TMPRSS15: variants seen among roughly 807,000 people sequenced by gnomAD.
TMPRSS15 encodes the protein enteropeptidase.
TMPRSS15 carries 128 observed loss-of-function variants against 125.3 expected under a neutral mutation model. The ratio of observed to expected loss-of-function variants is 1.02; its 90% CI spans 0.89 to 1.18. The LOEUF is 1.18. TMPRSS15 is among the 50% of genes most tolerant of loss of function. TMPRSS15 has a pLI of 0.00. For synonymous variants in TMPRSS15, 446 were observed against 423.2 expected, an observed-to-expected ratio of 1.05 and a Z score of -0.66; for missense variants, 1,283 against 1,212.7, an observed-to-expected ratio of 1.06 and a Z score of -0.86.
At chr21:18,339,105 G>A (rs574817672) in intron 13 of TMPRSS15, among the ~76,000 whole-genome samples, 52 of 151,698 alleles carry the variant, frequency 3.4e-4, no homozygotes, top group African/African-American at 1.2e-3. Flanking sequence ...ATTTTTTCAT[G>A]TAGTAATGGT....
intron 1 of TMPRSS15, among the ~76,000 whole-genome samples, chr21:18,447,318 TA>T (rs1208980881): frequency 6.7e-6 from 1 of 150,330 alleles, no homozygotes; most frequent in Non-Finnish European, 1.5e-5. Flanking sequence ...TGGGTGCCTA[TA>T]ACCTCAGCTA....
At chr21:18,336,047 A>G (rs2075389270) in intron 13 of TMPRSS15, among the ~76,000 whole-genome samples, 2 of 152,054 alleles carry the variant, frequency 1.3e-5, no homozygotes, top group South Asian at 4.2e-4. Context: ...AATAACATGC[A>G]GTATTTGGCA....
intron 24 of TMPRSS15, among the ~76,000 whole-genome samples, chr21:18,271,974 A>G (rs148773981): frequency 1.7e-4 from 25 of 151,492 alleles, no homozygotes; most frequent in African/African-American, 6.1e-4. Flanking sequence ...TATTCAGTCT[A>G]TCATTGATGA....
At chr21:18,357,725 C>T (rs1285607093) in intron 8 of TMPRSS15, among the ~76,000 whole-genome samples, 1 of 151,664 alleles carries the variant, frequency 6.6e-6, no homozygotes, top group Non-Finnish European at 1.5e-5. Context: ...GGAAATACTG[C>T]TTGTTTCCAT....
intron 3 of TMPRSS15, among the ~76,000 whole-genome samples, chr21:18,387,608 CACAT>C (rs1193656540): frequency 7.4e-5 from 7 of 94,648 alleles, no homozygotes; most frequent in Non-Finnish European, 1.5e-4. Context: ...CACACACACA[CACAT>C]ACACACACAC....
At chr21:18,326,903 T>C (rs1329289993) in intron 15 of TMPRSS15, among the ~76,000 whole-genome samples, 1 of 152,220 alleles carries the variant, frequency 6.6e-6, no homozygotes, top group Non-Finnish European at 1.5e-5. Context: ...TAAAGACCTT[T>C]ATAAAACAAT....
At chr21:18,451,678 G>T (rs1270294250) in intron 1 of TMPRSS15, among the ~76,000 whole-genome samples, 2 of 151,978 alleles carry the variant, frequency 1.3e-5, no homozygotes, top group Non-Finnish European at 2.9e-5. Flanking sequence ...ATGCTTTTTT[G>T]GACAGCTAAC....
intron 3 of TMPRSS15, among the ~76,000 whole-genome samples, chr21:18,392,736 A>G (rs2076001122): frequency 2.0e-5 from 3 of 152,154 alleles, no homozygotes; most frequent in Admixed American, 2.0e-4. Flanking sequence ...AGTTTAATTG[A>G]CTCACAGTTC....
chr21:18,406,289 T>C (rs549133225), upstream of TMPRSS15, among the ~76,000 whole-genome samples: 15 of 152,290 alleles, frequency 9.8e-5, no homozygotes, highest in African/African-American at 3.6e-4. Flanking sequence ...CAAAAAGCCA[T>C]GCTCATTGGT....
At chr21:18,279,153 G>T in intron 22 of TMPRSS15, 94 bp from the exon 23 acceptor site, 1 of 704,114 alleles carries the variant, frequency 1.4e-6, no homozygotes, top group Non-Finnish European at 2.5e-6. Context: ...ATCAATAACA[G>T]TTAATCTAAA....
chr21:18,280,596 C>CAAAAA (rs1246672347), intron 22 of TMPRSS15, among the ~76,000 whole-genome samples: 1 of 102,146 alleles, frequency 9.8e-6, no homozygotes, highest in African/African-American at 4.5e-5. Flanking sequence ...AAAAAAAAAA[C>CAAAAA]AACAAAACAA....
chr21:18,416,933 A>T (rs369587255), intron 1 of TMPRSS15, among the ~76,000 whole-genome samples: 1 of 152,224 alleles, frequency 6.6e-6, no homozygotes, highest in South Asian at 2.1e-4. Flanking sequence ...TTTGAGATAC[A>T]CCATGGCAGT....
intron 1 of TMPRSS15, among the ~76,000 whole-genome samples, chr21:18,426,403 A>C (rs763325420): frequency 5.3e-5 from 8 of 152,222 alleles, no homozygotes; most frequent in Admixed American, 1.3e-4. Flanking sequence ...ATGTAAGAGA[A>C]GAAATTTTAT....
chr21:18,425,344 G>A (rs939553776), intron 1 of TMPRSS15, among the ~76,000 whole-genome samples: 6 of 152,038 alleles, frequency 3.9e-5, no homozygotes, highest in African/African-American at 1.4e-4. Context: ...AATCTTATTT[G>A]TTGTCTTGCC....
chr21:18,446,987 G>A (rs1272593035), intron 1 of TMPRSS15, among the ~76,000 whole-genome samples: 1 of 152,182 alleles, frequency 6.6e-6, no homozygotes, highest in Non-Finnish European at 1.5e-5. Flanking sequence ...AAGCAAGAGT[G>A]AAGACACAAC....
At chr21:18,282,028 G>T (rs1041545389) in intron 21 of TMPRSS15, among the ~76,000 whole-genome samples, 1 of 149,128 alleles carries the variant, frequency 6.7e-6, no homozygotes, top group African/African-American at 2.5e-5. Context: ...AACCCGGGGG[G>T]CGGAGCTTGC....
intron 19 of TMPRSS15, among the ~76,000 whole-genome samples, chr21:18,296,058 C>T (rs1274608823): frequency 2.0e-5 from 3 of 152,084 alleles, no homozygotes; most frequent in Non-Finnish European, 4.4e-5. Flanking sequence ...GAGGCTGAGG[C>T]AGGAGAATGG....
chr21:18,298,404 A>C (rs1406496759), intron 18 of TMPRSS15, among the ~76,000 whole-genome samples: 1 of 152,206 alleles, frequency 6.6e-6, no homozygotes, highest in East Asian at 1.9e-4. Context: ...TGACTGCACT[A>C]AAGGAGAGAC....
At chr21:18,408,494 T>C (rs962777929), upstream of TMPRSS15, among the ~76,000 whole-genome samples, 3 of 152,154 alleles carry the variant, frequency 2.0e-5, no homozygotes, top group Admixed American at 6.5e-5. Flanking sequence ...ACCAGTGCCA[T>C]AGTCAATGAA....
Sources: gnomAD v4.1 joint callset for allele counts (sites outside exome capture counted in the v4.1 genomes callset) on GRCh38, gnomAD v4.1.1 for gene constraint, MANE v1.5 for transcripts, NCBI Gene and HGNC (gene_info 2026-07-23, HGNC 2026-07-21) for gene names.